The following ZNF254 variants were observed in gnomAD, a reference collection of about 807,000 sequenced individuals.
ZNF254 encodes the protein zinc finger protein 254.
ZNF254 carries 10 observed loss-of-function variants against 12.4 expected under a neutral mutation model. The ratio of observed to expected loss-of-function variants is 0.80; its 90% CI spans 0.50 to 1.36. The LOEUF is 1.36. ZNF254 is among the 40% of genes most tolerant of loss of function. The probability of loss-of-function intolerance (pLI) is 0.00; values close to 1 mark genes in which losing one functional copy is unlikely to be tolerated. For missense variants in ZNF254, 996 were observed against 763.9 expected, an observed-to-expected ratio of 1.30 and a Z score of -3.58; for synonymous variants, 305 against 253.4, an observed-to-expected ratio of 1.20 and a Z score of -1.93.
At chr19:24,117,184 G>T (rs1480256736) in intron 3 of ZNF254, among the ~76,000 whole-genome samples, 1 of 152,112 alleles carries the variant, frequency 6.6e-6, no homozygotes, top group Non-Finnish European at 1.5e-5. Flanking sequence ...CCTGTTCTCA[G>T]ATCTCCAGCT....
intron 1 of ZNF254, among the ~76,000 whole-genome samples, chr19:24,036,131 G>A (rs1186926241): frequency 5.9e-5 from 9 of 152,104 alleles, no homozygotes; most frequent in Admixed American, 6.5e-5. Flanking sequence ...GCGCGATCTT[G>A]GCTCACTGCG....
At chr19:24,117,818 T>C (rs142573018) in intron 3 of ZNF254, among the ~76,000 whole-genome samples, 258 of 152,050 alleles carry the variant, frequency 1.7e-3, no homozygotes, top group African/African-American at 5.4e-3. Flanking sequence ...ACCGGAGCTG[T>C]TCGTATTTGG....
chr19:24,097,315 A>G (rs976302107), intron 1 of ZNF254, among the ~76,000 whole-genome samples: 3 of 152,214 alleles, frequency 2.0e-5, no homozygotes, highest in Non-Finnish European at 4.4e-5. Flanking sequence ...ACAGAATTAT[A>G]AAGATTAAAA....
intron 1 of ZNF254, among the ~76,000 whole-genome samples, chr19:24,100,017 A>G (rs1420662724): frequency 6.6e-6 from 1 of 152,212 alleles, no homozygotes; most frequent in Non-Finnish European, 1.5e-5. Context: ...ATTATGCTCT[A>G]AAGTGCATGC....
At chr19:24,041,328 G>T (rs997837775) in intron 1 of ZNF254, among the ~76,000 whole-genome samples, 1 of 152,336 alleles carries the variant, frequency 6.6e-6, no homozygotes, top group East Asian at 1.9e-4. Flanking sequence ...AGGCATGAGC[G>T]GGAACCGGGG....
intron 1 of ZNF254, among the ~76,000 whole-genome samples, chr19:24,103,581 C>T (rs1271251296): frequency 7.2e-5 from 11 of 152,162 alleles, no homozygotes. Flanking sequence ...ATGTGACTCT[C>T]AGGTGCCAGC....
At chr19:24,050,674 G>A (rs1662134214) in intron 2 of ZNF254, among the ~76,000 whole-genome samples, 1 of 152,220 alleles carries the variant, frequency 6.6e-6, no homozygotes, top group South Asian at 2.1e-4. Flanking sequence ...GAGGTTGTGT[G>A]ACTCTCTTCT....
chr19:24,119,276 C>G (rs1173724735), intron 3 of ZNF254, among the ~76,000 whole-genome samples: 1 of 152,058 alleles, frequency 6.6e-6, no homozygotes, highest in African/African-American at 2.4e-5. Context: ...ACTGCAACCT[C>G]TGCCTCCTAG....
chr19:24,093,350 A>G (rs987043237), intron 1 of ZNF254, among the ~76,000 whole-genome samples: 17 of 152,038 alleles, frequency 1.1e-4, no homozygotes, highest in Admixed American at 1.0e-3. Context: ...TGTATCTTCA[A>G]TTATGAATTC....
intron 2 of ZNF254, chr19:24,064,445 T>C (rs536951575): frequency 6.6e-6 from 1 of 152,344 alleles, no homozygotes; most frequent in Admixed American, 6.5e-5. Flanking sequence ...GAAATTGTGA[T>C]GTGCATTTGG....
chr19:24,089,631 T>G (rs1407635103), intron 1 of ZNF254, among the ~76,000 whole-genome samples: 1 of 152,032 alleles, frequency 6.6e-6, no homozygotes, highest in African/African-American at 2.4e-5. Flanking sequence ...CATAGGAAAA[T>G]CTGAGGTATT....
At chr19:24,049,210 A>T (rs1311535104) in intron 2 of ZNF254, among the ~76,000 whole-genome samples, 1,789 of 46,056 alleles carry the variant, frequency 0.039, 73 homozygotes, top group African/African-American at 0.088. Context: ...ATATATATAT[A>T]TATATTTTTT....
intron 2 of ZNF254, among the ~76,000 whole-genome samples, chr19:24,057,071 C>A (rs575223009): frequency 1.3e-5 from 2 of 152,304 alleles, no homozygotes; most frequent in South Asian, 4.1e-4. Context: ...GTAAGATTGT[C>A]ACTCTTCTCT....
intron 2 of ZNF254, chr19:24,079,228 C>CA (rs899852295): frequency 2.2e-4 from 33 of 152,254 alleles, no homozygotes; most frequent in African/African-American, 7.2e-4. Flanking sequence ...ATCCTTATTT[C>CA]AAGCCCCCCT....
At chr19:24,060,391 C>A (rs1340392254) in intron 2 of ZNF254, among the ~76,000 whole-genome samples, 1 of 152,092 alleles carries the variant, frequency 6.6e-6, no homozygotes, top group Non-Finnish European at 1.5e-5. Context: ...ATTATTTTGC[C>A]TGGCCCTGCC....
chr19:24,114,648 C>G (rs1973914287), intron 3 of ZNF254, among the ~76,000 whole-genome samples: 1 of 134,468 alleles, frequency 7.4e-6, no homozygotes, highest in African/African-American at 3.1e-5. Flanking sequence ...ACACCAAAAG[C>G]AATGGGAACA....
At chr19:24,111,391 T>C (rs1321023704) in intron 3 of ZNF254, among the ~76,000 whole-genome samples, 1 of 152,220 alleles carries the variant, frequency 6.6e-6, no homozygotes, top group African/African-American at 2.4e-5. Flanking sequence ...TTTGCTATTG[T>C]GAATACTGCC....
chr19:24,084,172 TATATA>T (rs909529247), upstream of ZNF254, among the ~76,000 whole-genome samples: 56 of 147,746 alleles, frequency 3.8e-4, no homozygotes, highest in African/African-American at 1.3e-3. Flanking sequence ...ATATAAATAA[TATATA>T]ATATATTTAT....
intron 1 of ZNF254, among the ~76,000 whole-genome samples, chr19:24,100,485 A>T (rs1423157122): frequency 1.3e-5 from 2 of 151,996 alleles, no homozygotes; most frequent in African/African-American, 2.4e-5. Flanking sequence ...GCACAATTAC[A>T]TCTTTCTCCC....
Sources: gnomAD v4.1 joint callset for allele counts (sites outside exome capture counted in the v4.1 genomes callset) on GRCh38, gnomAD v4.1.1 for gene constraint, MANE v1.5 for transcripts, NCBI Gene and HGNC (gene_info 2026-07-23, HGNC 2026-07-21) for gene names.